Variants in DCAF8L2 observed in about 807,000 individuals in gnomAD.
DCAF8L2 encodes the protein DDB1 and CUL4 associated factor 8 like 2, also known as DDB1- and CUL4-associated factor 8-like protein 2.
For missense variants in DCAF8L2, 430 were observed against 490.7 expected (o/e 0.88, Z 1.17); for synonymous variants, 200 against 190.9 (o/e 1.05, Z -0.39).
chrX:27,599,179 T>C (rs760725713), intron 1 of DCAF8L2, among the ~76,000 whole-genome samples: 1 of 110,975 alleles, frequency 9.0e-6, no homozygotes, highest in East Asian at 2.8e-4. Context: ...TAAAATATTA[T>C]TCGTCCTTTA....
chrX:27,614,604 C>T (rs781735713), intron 1 of DCAF8L2, among the ~76,000 whole-genome samples: 27 of 111,563 alleles, frequency 2.4e-4, no homozygotes, highest in African/African-American at 8.2e-4. Context: ...CTATAAATTT[C>T]CCTCTACACA....
intron 1 of DCAF8L2, among the ~76,000 whole-genome samples, chrX:27,615,000 A>C (rs746280821): frequency 6.3e-5 from 7 of 111,447 alleles, no homozygotes; most frequent in African/African-American, 2.3e-4. Context: ...AGAGCAAAGA[A>C]GTGCTCTGTA....
chrX:27,506,564 C>T, the DCAF8L2 span, among the ~76,000 whole-genome samples: 1 of 110,988 alleles, frequency 9.0e-6, no homozygotes, highest in South Asian at 3.8e-4. Context: ...TCTGGTAGCC[C>T]TAGGCCTTTC....
At chrX:27,526,460 A>G in the DCAF8L2 span, among the ~76,000 whole-genome samples, 1 of 111,814 alleles carries the variant, frequency 8.9e-6, no homozygotes, top group Admixed American at 9.5e-5. Context: ...CTTCTTTGTG[A>G]TGGGTTCGAA....
In DCAF8L2 at chrX:27,747,463, G is replaced by C. The variant is rs754622044; in HGVS notation, c.568G>C (p.Val190Leu). The C allele has an allele frequency of 1.6e-5, 19 of 1,173,923 alleles. No individual in the cohort carries two copies. The South Asian group carries it at 3.0e-4, about 19-fold the overall frequency. ...SALPRPRWQV[V>L]TALHQRQLGS... The stretch of plus-strand genomic sequence containing the variant: ...CCTGCCCCGACCTCGCTGGCAGGTC[G>C]TTACTGCTCTTCACCAGCGGCAGCT... Residue 190 changes from valine (V) to leucine (L), a missense_variant, in exon 5 of 5, where the codon GTT becomes CTT. By Grantham distance (32) the Val-to-Leu change is conservative. Transcript: ENST00000451261.
At chrX:27,641,452 TCTTTC>T (rs1453854842) in intron 2 of DCAF8L2, among the ~76,000 whole-genome samples, 44 of 79,432 alleles carry the variant, frequency 5.5e-4, no homozygotes, top group Non-Finnish European at 1.0e-3. Context: ...TCTTTTCTTT[TCTTTC>T]CTTTTCTTTA....
chrX:27,529,603 T>C, the DCAF8L2 span, among the ~76,000 whole-genome samples: 2 of 111,619 alleles, frequency 1.8e-5, no homozygotes, highest in African/African-American at 6.5e-5. Context: ...TTTAAGGACA[T>C]GTAGGGTTGA....
the DCAF8L2 span, among the ~76,000 whole-genome samples, chrX:27,576,528 T>G: frequency 8.9e-6 from 1 of 112,043 alleles, no homozygotes; most frequent in Non-Finnish European, 1.9e-5. Flanking sequence ...AAGGAAAACA[T>G]TATCTCATTT....
chrX:27,510,509 A>AAT, the DCAF8L2 span, among the ~76,000 whole-genome samples: 24 of 104,869 alleles, frequency 2.3e-4, no homozygotes, highest in Admixed American at 4.2e-4. Flanking sequence ...ATATATCTTG[A>AAT]ATATATATAT....
At chrX:27,481,143 C>A in the DCAF8L2 span, among the ~76,000 whole-genome samples, 1 of 110,680 alleles carries the variant, frequency 9.0e-6, no homozygotes, top group Non-Finnish European at 1.9e-5. Context: ...TTTAGGAGGC[C>A]AAGGCGGGCG....
At chrX:27,587,421 C>T (rs1018842002), upstream of DCAF8L2, among the ~76,000 whole-genome samples, 4 of 110,786 alleles carry the variant, frequency 3.6e-5, no homozygotes, top group South Asian at 7.5e-4. Flanking sequence ...ATTAGTAGGC[C>T]CCTGGGGTGG....
chrX:27,645,377 G>T (rs1336706049), intron 2 of DCAF8L2, among the ~76,000 whole-genome samples: 1 of 111,183 alleles, frequency 9.0e-6, no homozygotes, highest in Non-Finnish European at 1.9e-5. Flanking sequence ...ACATCCTCAT[G>T]ATAAAAACTC....
Position 27,716,080 on chromosome X carries a change from C to G in DCAF8L2, c.-142-8C>G, listed in dbSNP as rs1259302483. 1.8e-5 allele frequency: 2 copies of G among 112,016 alleles called. No homozygotes were observed. The highest frequency in any genetic ancestry group is 6.5e-5 in the African/African-American group (2 of 30,821). 9.2% of individuals were successfully genotyped at this position (112,016 alleles called of 1,213,427 possible). ...CTTGCACTAAAACAATTTATTTTATCCTGTTAGGAAGCTGCACTGTTGCAG... is the reference window on the plus strand; with the variant it reads ...CTTGCACTAAAACAATTTATTTTATGCTGTTAGGAAGCTGCACTGTTGCAG... On this transcript the variant is annotated splice_polypyrimidine_tract_variant and splice_region_variant and intron_variant, in intron 3 of 4. Coordinates refer to ENST00000451261, the MANE Select transcript of DCAF8L2 (RefSeq NM_001353450.2).
At chrX:27,490,050 A>G in the DCAF8L2 span, among the ~76,000 whole-genome samples, 1 of 109,911 alleles carries the variant, frequency 9.1e-6, no homozygotes, top group African/African-American at 3.3e-5. Context: ...CTAATTTTCA[A>G]TTTTTTTGTA....
intron 2 of DCAF8L2, among the ~76,000 whole-genome samples, chrX:27,668,029 A>G (rs967473259): frequency 3.6e-5 from 4 of 111,804 alleles, no homozygotes; most frequent in Non-Finnish European, 7.5e-5. Context: ...ATGGTTCTGA[A>G]GGCTTTCAAG....
chrX:27,731,944 G>A (rs1223227440), intron 4 of DCAF8L2, among the ~76,000 whole-genome samples: 2 of 111,580 alleles, frequency 1.8e-5, no homozygotes, highest in African/African-American at 6.5e-5. Flanking sequence ...GCTTGCCCAA[G>A]ATGATACAAC....
intron 3 of DCAF8L2, among the ~76,000 whole-genome samples, chrX:27,683,596 G>T (rs1056276080): frequency 8.9e-6 from 1 of 111,844 alleles, no homozygotes; most frequent in Admixed American, 9.5e-5. Context: ...TCCCTTCCAA[G>T]CATCAGTACT....
chrX:27,680,823 GAT>G (rs1930300267), intron 3 of DCAF8L2, among the ~76,000 whole-genome samples: 1 of 112,181 alleles, frequency 8.9e-6, no homozygotes, highest in African/African-American at 3.2e-5. Flanking sequence ...TTGAGATCTT[GAT>G]ATGTTTGAAA....
At chrX:27,634,770 T>C (rs1928428154) in intron 2 of DCAF8L2, among the ~76,000 whole-genome samples, 1 of 111,039 alleles carries the variant, frequency 9.0e-6, no homozygotes, top group Non-Finnish European at 1.9e-5. Flanking sequence ...TATTTCAAAA[T>C]ATTGCATAAA....
Sources: allele counts gnomAD v4.1 joint callset (sites outside exome capture counted in the v4.1 genomes callset), GRCh38; gene constraint gnomAD v4.1.1; transcripts MANE v1.5; gene names NCBI Gene and HGNC (gene_info 2026-07-23, HGNC 2026-07-21).